Variants in NSUN4 observed in about 807,000 individuals in gnomAD.
The protein encoded by NSUN4 is NOP2/Sun RNA methyltransferase 4.
A neutral mutation model predicts 43.8 loss-of-function variants in NSUN4; 31 were observed. That is an observed-to-expected ratio of 0.71 (90% CI 0.53 to 0.96). The LOEUF is 0.96. Ranked by LOEUF, NSUN4 falls within the 40% of genes least tolerant of loss-of-function variation. The pLI, the probability that NSUN4 is intolerant of heterozygous loss-of-function variation, is 0.00. For synonymous variants in NSUN4, 167 were observed against 184.1 expected, an observed-to-expected ratio of 0.91 and a Z score of 0.75; for missense variants, 439 against 475.6, an observed-to-expected ratio of 0.92 and a Z score of 0.72.
chr1:46,341,963 G>A (rs987166964), intron 1 of NSUN4: 1 of 1,232,852 alleles, frequency 8.1e-7, no homozygotes, highest in Non-Finnish European at 1.0e-6. Context: ...TTGCTCATCA[G>A]TCCCCGGGAA....
At chr1:46,360,940 A>T in intron 5 of NSUN4, 112 bp downstream of exon 5, 3 of 1,229,726 alleles carry the variant, frequency 2.4e-6, no homozygotes, top group Non-Finnish European at 3.5e-6. Flanking sequence ...ATGGCTGGAG[A>T]TCTGCCTAGA....
chr1:46,357,792 CTT>C (rs986224979), intron 4 of NSUN4, among the ~76,000 whole-genome samples: 11 of 152,176 alleles, frequency 7.2e-5, no homozygotes, highest in Middle Eastern at 3.4e-3. Context: ...AGGTGTATCT[CTT>C]ATATGCTGCA....
At chr1:46,360,073 C>G (rs991098502) in intron 4 of NSUN4, among the ~76,000 whole-genome samples, 2 of 149,156 alleles carry the variant, frequency 1.3e-5, no homozygotes, top group African/African-American at 4.9e-5. Flanking sequence ...ACTAAAAATA[C>G]AAAAAATTAG....
intron 1 of NSUN4, chr1:46,342,930 A>G: frequency 2.5e-6 from 1 of 398,536 alleles, no homozygotes; most frequent in Non-Finnish European, 4.4e-6. Context: ...ATACATCACA[A>G]CTCCTTCAAA....
At chr1:46,383,225 C>G in the NSUN4 span, among the ~76,000 whole-genome samples, 1 of 152,130 alleles carries the variant, frequency 6.6e-6, no homozygotes, top group Non-Finnish European at 1.5e-5. Context: ...ACCCGGTGTC[C>G]CGGGTTTGGG....
chr1:46,356,982 G>A (rs1663427300), intron 4 of NSUN4, among the ~76,000 whole-genome samples: 1 of 152,058 alleles, frequency 6.6e-6, no homozygotes, highest in Non-Finnish European at 1.5e-5. Context: ...TTAGACACTT[G>A]CCCAGGGCTG....
intron 2 of NSUN4, 138 bp from the exon 3 acceptor site, chr1:46,346,783 A>C (rs773259656): frequency 1.8e-4 from 119 of 651,454 alleles, no homozygotes; most frequent in Middle Eastern, 6.5e-4. Context: ...TGAATAAGTG[A>C]ATAAGTAAGT....
intron 3 of NSUN4, among the ~76,000 whole-genome samples, chr1:46,352,404 AG>A (rs1663065801): frequency 6.6e-6 from 1 of 151,708 alleles, no homozygotes; most frequent in Non-Finnish European, 1.5e-5. Context: ...GTGAGCTGAG[AG>A]TGTGCCACTG....
downstream of NSUN4, among the ~76,000 whole-genome samples, chr1:46,366,727 A>AAAAAAAAAAC (rs1553178523): frequency 7.8e-6 from 1 of 127,900 alleles, no homozygotes; most frequent in Non-Finnish European, 1.7e-5. Flanking sequence ...AAAAAAAAAA[A>AAAAAAAAAAC]AAGTGGGTAG....
At chr1:46,352,528 G>T (rs1663075055) in intron 3 of NSUN4, among the ~76,000 whole-genome samples, 1 of 151,014 alleles carries the variant, frequency 6.6e-6, no homozygotes, top group African/African-American at 2.4e-5. Context: ...AGAGGGAAAG[G>T]AGAGAAGAAA....
chr1:46,361,542 A>C (rs324414), intron 5 of NSUN4, 28 bp from the exon 6 acceptor site: 1,576,578 of 1,605,514 alleles, frequency 0.98, 774,144 homozygotes, highest in East Asian at 1. Context: ...GCTCACTAGT[A>C]ACTGCTTCTG....
chr1:46,357,282 C>T (rs1266246395), intron 4 of NSUN4, among the ~76,000 whole-genome samples: 1 of 152,198 alleles, frequency 6.6e-6, no homozygotes, highest in Non-Finnish European at 1.5e-5. Flanking sequence ...TGGGCTCAAG[C>T]AATTCTCCCG....
chr1:46,373,521 C>G, the NSUN4 span, among the ~76,000 whole-genome samples: 1 of 152,176 alleles, frequency 6.6e-6, no homozygotes, highest in Non-Finnish European at 1.5e-5. Flanking sequence ...TGGGGATTGT[C>G]TGCAGAGTCC....
In NSUN4 at chr1:46,340,824, G is replaced by T. The variant is rs962078692; in HGVS notation, c.-3G>T. On this transcript the variant is annotated 5_prime_UTR_variant, in exon 1 of 6. Coordinates refer to ENST00000474844, the MANE Select transcript of NSUN4 (RefSeq NM_199044.4). ...TCGGAATTACCCCGTGGAGCACGCC[G>T]ATATGGCTGCGCTGACACTGAGGGG... The T allele has an allele frequency of 6.2e-7, 1 of 1,609,290 alleles. No homozygotes were observed. The highest frequency in any genetic ancestry group is 1.7e-5 in the Admixed American group (1 of 59,482).
the NSUN4 span, among the ~76,000 whole-genome samples, chr1:46,379,720 G>T: frequency 5.3e-5 from 8 of 152,156 alleles, no homozygotes; most frequent in African/African-American, 1.9e-4. Context: ...AGGCTGGGAG[G>T]TCTAAGGTCA....
At chr1:46,341,636 A>G in intron 1 of NSUN4, 1 of 1,207,818 alleles carries the variant, frequency 8.3e-7, no homozygotes, top group African/African-American at 1.6e-5. Context: ...CGCCACCTCC[A>G]CCATCTCTTC....
intron 1 of NSUN4, chr1:46,341,604 T>G (rs1177002219): frequency 2.7e-5 from 32 of 1,176,530 alleles, no homozygotes; most frequent in Non-Finnish European, 3.1e-5. Context: ...CACGCCCCCC[T>G]GCCCACCCCA....
intron 4 of NSUN4, among the ~76,000 whole-genome samples, chr1:46,357,990 C>T (rs543568804): frequency 2.6e-5 from 4 of 152,250 alleles, no homozygotes; most frequent in Non-Finnish European, 5.9e-5. Flanking sequence ...TCTTGGCTCA[C>T]TGCAACCTCC....
Position 46,344,902 on chromosome 1 carries a change from C to T in NSUN4, c.195C>T (p.Val65=). The T allele has an allele frequency of 6.2e-7, 1 of 1,614,218 alleles. No homozygotes were observed. The highest frequency in any genetic ancestry group is 1.1e-5 in the South Asian group (1 of 91,086). ...GAGATCTTTGGCCATCAATCCGTGTCAGTCTCCTCTCAGAGCAGAAGTATG... is the reference window on the plus strand; with the variant it reads ...GAGATCTTTGGCCATCAATCCGTGTTAGTCTCCTCTCAGAGCAGAAGTATG... The part of the protein sequence containing the change: ...QFGDLWPSIR[V]SLLSEQKYGA... The change falls in exon 2 of 6, where the codon GTC becomes GTT. Residue 65 remains valine, a synonymous_variant. Transcript: ENST00000474844.
Sources: allele counts gnomAD v4.1 joint callset (sites outside exome capture counted in the v4.1 genomes callset), GRCh38; gene constraint gnomAD v4.1.1; transcripts MANE v1.5; gene names NCBI Gene and HGNC (gene_info 2026-07-23, HGNC 2026-07-21).